Variants in CDIN1 observed in about 807,000 individuals in gnomAD.
The protein encoded by CDIN1 is CDAN1-interacting nuclease 1.
In CDIN1, 33 loss-of-function variants were observed where a neutral mutation model predicts 45.3. That is an observed-to-expected ratio of 0.73 (90% CI 0.55 to 0.97). CDIN1 has a LOEUF of 0.97. Ranked by LOEUF, CDIN1 falls within the 50% of genes least tolerant of loss-of-function variation. CDIN1 has a pLI of 0.00. For synonymous variants in CDIN1, 118 were observed against 124.4 expected, an observed-to-expected ratio of 0.95 and a Z score of 0.34; for missense variants, 303 against 339.4, an observed-to-expected ratio of 0.89 and a Z score of 0.84.
At chr15:36,750,462 C>T (rs184714099) in intron 10 of CDIN1, among the ~76,000 whole-genome samples, 8 of 152,260 alleles carry the variant, frequency 5.3e-5, no homozygotes, top group African/African-American at 1.7e-4. Context: ...AATTCATCAG[C>T]GTCAGAGCCA....
intron 10 of CDIN1, among the ~76,000 whole-genome samples, chr15:36,735,423 A>G (rs1018593107): frequency 1.3e-5 from 2 of 152,074 alleles, no homozygotes; most frequent in African/African-American, 4.8e-5. Flanking sequence ...GGATTTCCCT[A>G]TTATCATTCT....
chr15:36,684,051 T>C (rs1050331898), intron 5 of CDIN1, among the ~76,000 whole-genome samples: 2 of 151,216 alleles, frequency 1.3e-5, no homozygotes, highest in South Asian at 2.1e-4. Context: ...CTTTTCCTAA[T>C]TGAATACCCT....
chr15:36,786,785 C>G (rs2054502500), intron 10 of CDIN1, among the ~76,000 whole-genome samples: 1 of 152,172 alleles, frequency 6.6e-6, no homozygotes, highest in Non-Finnish European at 1.5e-5. Flanking sequence ...GGTGTAACTG[C>G]TCTGATAGTA....
chr15:36,641,627 A>T (rs2040111555), intron 1 of CDIN1: 1 of 152,254 alleles, frequency 6.6e-6, no homozygotes, highest in South Asian at 2.1e-4. Context: ...AAAACCCCAT[A>T]TATGCTAAGT....
At chr15:36,655,758 C>T (rs1327171391) in intron 4 of CDIN1, among the ~76,000 whole-genome samples, 2 of 152,116 alleles carry the variant, frequency 1.3e-5, no homozygotes, top group African/African-American at 2.4e-5. Flanking sequence ...TAGCAGCATT[C>T]CAGACACAGC....
intron 8 of CDIN1, among the ~76,000 whole-genome samples, chr15:36,704,055 A>G (rs2042775293): frequency 6.6e-6 from 1 of 152,202 alleles, no homozygotes; most frequent in East Asian, 1.9e-4. Flanking sequence ...ATCTACAACG[A>G]AAAGGATTTA....
chr15:36,752,230 A>T (rs1408463071), intron 10 of CDIN1, among the ~76,000 whole-genome samples: 1 of 152,200 alleles, frequency 6.6e-6, no homozygotes, highest in East Asian at 1.9e-4. Context: ...TAGGGCACTA[A>T]ATTTTTATTT....
At chr15:36,625,059 C>G (rs1372728378) in intron 1 of CDIN1, among the ~76,000 whole-genome samples, 1 of 151,862 alleles carries the variant, frequency 6.6e-6, no homozygotes, top group Non-Finnish European at 1.5e-5. Context: ...AGGCGGATCA[C>G]AAGGTTAGGA....
intron 1 of CDIN1, among the ~76,000 whole-genome samples, chr15:36,592,283 C>T (rs540494112): frequency 3.9e-5 from 6 of 152,262 alleles, no homozygotes; most frequent in Non-Finnish European, 8.8e-5. Flanking sequence ...CTCTACAAAC[C>T]GCGACCTCAC....
intron 8 of CDIN1, chr15:36,708,369 C>T (rs768454647): frequency 6.6e-6 from 1 of 151,886 alleles, no homozygotes; most frequent in African/African-American, 2.4e-5. Flanking sequence ...GACCAGGTCA[C>T]TCCAAAATCT....
chr15:36,802,092 T>C (rs776312910), intron 10 of CDIN1, among the ~76,000 whole-genome samples: 2 of 152,200 alleles, frequency 1.3e-5, no homozygotes, highest in Non-Finnish European at 2.9e-5. Flanking sequence ...CAAGGTATAA[T>C]GAGACAGTAA....
intron 1 of CDIN1, chr15:36,614,011 A>G (rs2038771160): frequency 7.5e-7 from 1 of 1,338,852 alleles, no homozygotes; most frequent in South Asian, 1.2e-5. Context: ...CTACTCTCAA[A>G]AAGAAGACAA....
At chr15:36,619,320 C>G in intron 1 of CDIN1, 1 of 701,980 alleles carries the variant, frequency 1.4e-6, no homozygotes, top group Non-Finnish European at 2.1e-6. Flanking sequence ...TAAACTTGAG[C>G]TGTAGCTATA....
chr15:36,708,431 A>C (rs952396851), intron 8 of CDIN1: 1 of 151,380 alleles, frequency 6.6e-6, no homozygotes, highest in African/African-American at 2.4e-5. Flanking sequence ...TTAGAAGTCA[A>C]GGACAGCATT....
chr15:36,680,984 A>G (rs1185837286), intron 5 of CDIN1, among the ~76,000 whole-genome samples: 3 of 152,152 alleles, frequency 2.0e-5, no homozygotes, highest in Non-Finnish European at 2.9e-5. Flanking sequence ...TAAGCTCCCA[A>G]TAAAAATTTA....
At chr15:36,764,513 C>T (rs909179322) in intron 10 of CDIN1, among the ~76,000 whole-genome samples, 4 of 152,118 alleles carry the variant, frequency 2.6e-5, no homozygotes, top group Non-Finnish European at 5.9e-5. Context: ...AAAAAGAATG[C>T]GTTTATCTGC....
At chr15:36,663,078 G>T (rs1171504582) in intron 5 of CDIN1, among the ~76,000 whole-genome samples, 1 of 152,054 alleles carries the variant, frequency 6.6e-6, no homozygotes, top group African/African-American at 2.4e-5. Flanking sequence ...TCAAAGAAGA[G>T]ATGTGTTCTA....
At chr15:36,659,716 C>G (rs903260598) in intron 5 of CDIN1, among the ~76,000 whole-genome samples, 1 of 149,106 alleles carries the variant, frequency 6.7e-6, no homozygotes, top group Non-Finnish European at 1.5e-5. Flanking sequence ...ACCATTTTAA[C>G]TCCCTATTTG....
At chr15:36,627,797 T>G (rs987776968) in intron 1 of CDIN1, 3 of 152,362 alleles carry the variant, frequency 2.0e-5, no homozygotes, top group Non-Finnish European at 4.4e-5. Flanking sequence ...AGGCCCAACC[T>G]GGGGACTCAC....
Sources: gnomAD v4.1 joint callset for allele counts (sites outside exome capture counted in the v4.1 genomes callset) on GRCh38, gnomAD v4.1.1 for gene constraint, MANE v1.5 for transcripts, NCBI Gene and HGNC (gene_info 2026-07-23, HGNC 2026-07-21) for gene names.